The following UBE2V2 variants were observed in gnomAD, a reference collection of about 807,000 sequenced individuals.
The protein encoded by UBE2V2 is ubiquitin conjugating enzyme E2 V2.
In UBE2V2, 9 loss-of-function variants were observed where a neutral mutation model predicts 17.2. The ratio of observed to expected loss-of-function variants is 0.52; its 90% CI spans 0.32 to 0.91. The LOEUF (loss-of-function observed/expected upper bound fraction) is 0.91. Ranked by LOEUF, UBE2V2 falls within the 40% of genes least tolerant of loss-of-function variation. The probability of loss-of-function intolerance (pLI) is 0.04; values close to 1 mark genes in which losing one functional copy is unlikely to be tolerated. For synonymous variants in UBE2V2, 61 were observed against 57.5 expected, an observed-to-expected ratio of 1.06 and a Z score of -0.28; for missense variants, 133 against 182.6, an observed-to-expected ratio of 0.73 and a Z score of 1.56.
the UBE2V2 span, among the ~76,000 whole-genome samples, chr8:48,000,963 G>A: frequency 6.6e-6 from 1 of 151,632 alleles, no homozygotes; most frequent in South Asian, 2.1e-4. Context: ...TTGACGACTT[G>A]AGGCCTTGTG....
rs1056054845 is a variant in UBE2V2, at chr8:48,063,362, A to T, written c.*2534A>T. On this transcript the variant is annotated 3_prime_UTR_variant, in exon 4 of 4. Transcript: ENST00000523111. ...GAGGAATTAATATAGAAAAGCTCTT[A>T]ATTATAATAACATTTGGAAGAAATT... is the stretch of plus-strand genomic sequence containing the variant. 6.6e-6 allele frequency: 1 copy of T among 152,208 alleles called. No individual in the cohort carries two copies. Among genetic ancestry groups the T allele is most frequent in the Non-Finnish European group, 1.5e-5 (1 of 68,008 alleles). 9.4% of individuals were successfully genotyped at this position (152,208 alleles called of 1,614,324 possible). A position where few individuals can be genotyped will look rare whatever the true frequency, so the allele number is the denominator to read the frequency against.
At chr8:48,052,088 GGTT>G (rs1188097184) in intron 3 of UBE2V2, among the ~76,000 whole-genome samples, 1 of 152,164 alleles carries the variant, frequency 6.6e-6, no homozygotes, top group Non-Finnish European at 1.5e-5. Flanking sequence ...CTTTTGGAAT[GGTT>G]GTTCTCAACT....
chr8:48,029,871 G>T (rs2091371013), intron 1 of UBE2V2, among the ~76,000 whole-genome samples: 1 of 152,168 alleles, frequency 6.6e-6, no homozygotes, highest in Non-Finnish European at 1.5e-5. Context: ...CAGCTTCCTG[G>T]ACTCACAGGT....
At chr8:48,056,176 G>A (rs2091570548) in intron 3 of UBE2V2, among the ~76,000 whole-genome samples, 1 of 152,166 alleles carries the variant, frequency 6.6e-6, no homozygotes, top group Non-Finnish European at 1.5e-5. Flanking sequence ...TTTGTATTGT[G>A]TATTGGTACT....
At chr8:48,046,881 G>A (rs554189296) in intron 2 of UBE2V2, among the ~76,000 whole-genome samples, 9 of 151,908 alleles carry the variant, frequency 5.9e-5, no homozygotes, top group Admixed American at 1.3e-4. Flanking sequence ...GATTATAGGC[G>A]TGAACCACTG....
intron 3 of UBE2V2, among the ~76,000 whole-genome samples, chr8:48,055,200 CTT>C (rs5891260): frequency 3.9e-4 from 52 of 134,408 alleles, no homozygotes; most frequent in Admixed American, 8.2e-4. Context: ...GTTTCTTTTC[CTT>C]TTTTTTTTTT....
At chr8:47,998,289 G>A in the UBE2V2 span, among the ~76,000 whole-genome samples, 1 of 151,978 alleles carries the variant, frequency 6.6e-6, no homozygotes, top group Admixed American at 6.6e-5. Flanking sequence ...CAGACTGAAA[G>A]GCTCCTATTA....
At chr8:48,014,087 T>G (rs1285118930) in intron 1 of UBE2V2, among the ~76,000 whole-genome samples, 1 of 152,170 alleles carries the variant, frequency 6.6e-6, no homozygotes, top group Non-Finnish European at 1.5e-5. Context: ...ACTATGGTAG[T>G]CTAGTGTATT....
chr8:48,008,982 C>T (rs923928159), intron 1 of UBE2V2, among the ~76,000 whole-genome samples: 8 of 152,118 alleles, frequency 5.3e-5, no homozygotes, highest in Non-Finnish European at 7.4e-5. Context: ...ATCTTTCTTA[C>T]CTGACTGAAT....
intron 3 of UBE2V2, among the ~76,000 whole-genome samples, chr8:48,055,237 T>C (rs1364208860): frequency 6.6e-6 from 1 of 151,570 alleles, no homozygotes; most frequent in Non-Finnish European, 1.5e-5. Context: ...TTCGCTCTTA[T>C]TGCCCAGGGT....
chr8:48,023,302 G>C (rs1027816961), intron 1 of UBE2V2, among the ~76,000 whole-genome samples: 1 of 150,140 alleles, frequency 6.7e-6, no homozygotes, highest in South Asian at 2.1e-4. Context: ...TGCGACCTCC[G>C]CCTCCTGGGT....
the UBE2V2 span, among the ~76,000 whole-genome samples, chr8:47,998,411 C>T: frequency 1.8e-4 from 28 of 152,038 alleles, no homozygotes; most frequent in East Asian, 5.4e-3. Context: ...AGGTAACCGC[C>T]GTGTCAGGTG....
At chr8:48,022,018 A>G (rs1360823311) in intron 1 of UBE2V2, among the ~76,000 whole-genome samples, 1 of 151,960 alleles carries the variant, frequency 6.6e-6, no homozygotes, top group Non-Finnish European at 1.5e-5. Flanking sequence ...AGGCTTACAG[A>G]AAAGATCTTA....
chr8:48,058,251 G>A (rs1159214054), intron 3 of UBE2V2, among the ~76,000 whole-genome samples: 1 of 151,806 alleles, frequency 6.6e-6, no homozygotes, highest in Non-Finnish European at 1.5e-5. Flanking sequence ...GGTGGATCAT[G>A]AGGTCAGGAG....
intron 1 of UBE2V2, among the ~76,000 whole-genome samples, chr8:48,013,659 A>G (rs984198832): frequency 1.2e-4 from 18 of 152,196 alleles, no homozygotes; most frequent in Non-Finnish European, 2.1e-4. Context: ...TGGTACAGTG[A>G]AGCTCTAGTC....
rs538927917 is a variant in UBE2V2 at position 48,026,543 on chromosome 8, CAGAA to C, written c.17-16484_17-16481del. On this transcript the variant is annotated intron_variant, in intron 1 of 3. Coordinates refer to ENST00000523111, the MANE Select transcript of UBE2V2 (RefSeq NM_003350.3). ...GTCATTTTAGAACATTTTATCACCT[CAGAA>C]AGAAACTCTGTACCCTTTAGCTCTC... 1.4e-4 allele frequency among the ~76,000 whole-genome samples: 21 copies of C among 152,304 alleles called. No homozygotes were observed. In the South Asian group the frequency reaches 1.7e-3, roughly 12 times the overall value.
rs1293359683 is a variant in UBE2V2 at position 48,047,015 on chromosome 8, C to T, written c.166-2838C>T. ...GAGTTCAGTGACACTATCTCGGGCT[C>T]ACCGCAACCTCTGCCTCCCAGGTTC... On this transcript the variant is annotated intron_variant, in intron 2 of 3. Coordinates refer to ENST00000523111, the MANE Select transcript of UBE2V2 (RefSeq NM_003350.3). Among the ~76,000 whole-genome samples, 3 of 151,212 alleles carry T rather than the reference C, an allele frequency of 2.0e-5. No individual in the cohort carries two copies. The East Asian group carries it at 5.8e-4, about 29-fold the overall frequency.
chr8:48,046,924 T>G (rs1354248723), intron 2 of UBE2V2, among the ~76,000 whole-genome samples: 1 of 151,970 alleles, frequency 6.6e-6, no homozygotes, highest in African/African-American at 2.4e-5. Flanking sequence ...TTTTTGTACT[T>G]TATTGACTAA....
chr8:48,030,774 C>T (rs1025098825), intron 1 of UBE2V2, among the ~76,000 whole-genome samples: 2 of 152,184 alleles, frequency 1.3e-5, no homozygotes, highest in African/African-American at 2.4e-5. Context: ...GTAATCCCAG[C>T]ACTTTGGGAG....
Sources: gnomAD v4.1 joint callset for allele counts (sites outside exome capture counted in the v4.1 genomes callset) on GRCh38, gnomAD v4.1.1 for gene constraint, MANE v1.5 for transcripts, NCBI Gene and HGNC (gene_info 2026-07-23, HGNC 2026-07-21) for gene names.